The following ZBTB44 variants were observed in gnomAD, a reference collection of about 807,000 sequenced individuals.
ZBTB44 encodes zinc finger and BTB domain-containing protein 44.
Under a neutral mutation model 54.0 loss-of-function variants are expected in ZBTB44, and 15 were observed. The observed-to-expected ratio is 0.28, with a 90% CI of 0.19 to 0.43. ZBTB44 has a LOEUF of 0.43. ZBTB44 is among the 20% of genes least tolerant of loss of function. The pLI is 1.00. For synonymous variants in ZBTB44, 230 were observed against 250.1 expected (o/e 0.92, Z 0.76); for missense variants, 487 against 707.1 (o/e 0.69, Z 3.53).
At chr11:130,305,420 T>A (rs1421510117) in intron 1 of ZBTB44, among the ~76,000 whole-genome samples, 1 of 152,154 alleles carries the variant, frequency 6.6e-6, no homozygotes, top group East Asian at 1.9e-4. Flanking sequence ...TGTAGACCGA[T>A]GGAACAGAAT....
At chr11:130,305,151 TA>T (rs140360793) in intron 1 of ZBTB44, among the ~76,000 whole-genome samples, 5,006 of 152,230 alleles carry the variant, frequency 0.033, 256 homozygotes, top group African/African-American at 0.11. Context: ...CATGGATGGG[TA>T]GAATCAATAT....
intron 1 of ZBTB44, among the ~76,000 whole-genome samples, chr11:130,262,578 G>A (rs1020395319): frequency 6.6e-6 from 1 of 152,184 alleles, no homozygotes; most frequent in Non-Finnish European, 1.5e-5. Context: ...ATCTCTATCA[G>A]TAGGCGTATT....
chr11:130,240,401 T>TC (rs1954312135), intron 2 of ZBTB44, among the ~76,000 whole-genome samples: 1 of 152,246 alleles, frequency 6.6e-6, no homozygotes, highest in African/African-American at 2.4e-5. Context: ...ATAATAGTCT[T>TC]ATATTACTAT....
At chr11:130,304,385 G>A (rs895375935) in intron 1 of ZBTB44, among the ~76,000 whole-genome samples, 3 of 152,214 alleles carry the variant, frequency 2.0e-5, no homozygotes, top group African/African-American at 7.2e-5. Context: ...ATATTTATAA[G>A]AGTATTAAAA....
intron 2 of ZBTB44, among the ~76,000 whole-genome samples, chr11:130,249,214 C>T (rs1451198603): frequency 1.3e-5 from 2 of 152,132 alleles, no homozygotes; most frequent in Non-Finnish European, 2.9e-5. Context: ...GATATTTAGA[C>T]AGATTAATAT....
intron 1 of ZBTB44, among the ~76,000 whole-genome samples, chr11:130,273,349 C>T (rs1185222692): frequency 2.1e-5 from 3 of 140,112 alleles, no homozygotes; most frequent in South Asian, 2.2e-4. Context: ...CACTCTGCTG[C>T]CCCAGGCTGG....
intron 1 of ZBTB44, among the ~76,000 whole-genome samples, chr11:130,306,249 T>C (rs928765023): frequency 6.6e-6 from 1 of 152,104 alleles, no homozygotes; most frequent in African/African-American, 2.4e-5. Flanking sequence ...ACACTTGTAA[T>C]CCCAGCACTT....
At chr11:130,256,473 C>T (rs1159148463) in intron 2 of ZBTB44, among the ~76,000 whole-genome samples, 3 of 152,130 alleles carry the variant, frequency 2.0e-5, no homozygotes, top group South Asian at 4.2e-4. Flanking sequence ...GTCAAGAGAT[C>T]GAGACCATCC....
chr11:130,300,974 T>C (rs972668079), intron 1 of ZBTB44, among the ~76,000 whole-genome samples: 2 of 151,426 alleles, frequency 1.3e-5, no homozygotes, highest in Admixed American at 1.3e-4. Context: ...TTTTTTCCCT[T>C]GTTACTCTCT....
intron 1 of ZBTB44, among the ~76,000 whole-genome samples, chr11:130,309,060 G>A (rs1391527368): frequency 6.6e-6 from 1 of 152,164 alleles, no homozygotes; most frequent in Non-Finnish European, 1.5e-5. Flanking sequence ...AAAAATGCAA[G>A]TTAGCTCACT....
intron 5 of ZBTB44, among the ~76,000 whole-genome samples, chr11:130,234,478 T>A (rs894304832): frequency 2.0e-5 from 3 of 152,176 alleles, no homozygotes; most frequent in Non-Finnish European, 4.4e-5. Flanking sequence ...AATGTATCAA[T>A]CTTCCCCACC....
At chr11:130,301,841 G>A (rs1942004073) in intron 1 of ZBTB44, among the ~76,000 whole-genome samples, 1 of 152,064 alleles carries the variant, frequency 6.6e-6, no homozygotes, top group Admixed American at 6.6e-5. Flanking sequence ...TTGAGCCCAG[G>A]AGTTTGAGAC....
chr11:130,245,304 T>C (rs1019034967), intron 2 of ZBTB44, among the ~76,000 whole-genome samples: 1 of 152,192 alleles, frequency 6.6e-6, no homozygotes, highest in African/African-American at 2.4e-5. Flanking sequence ...TTAATCCAGA[T>C]GTAGGACAGA....
At chr11:130,281,081 C>T (rs762208559) in intron 1 of ZBTB44, among the ~76,000 whole-genome samples, 11 of 152,074 alleles carry the variant, frequency 7.2e-5, no homozygotes, top group Admixed American at 2.0e-4. Flanking sequence ...AGCTATAAAA[C>T]GTTAAAATGA....
chr11:130,242,349 C>T (rs1250376471), intron 2 of ZBTB44, among the ~76,000 whole-genome samples: 2 of 152,172 alleles, frequency 1.3e-5, no homozygotes, highest in East Asian at 3.9e-4. Context: ...TGATATTTTA[C>T]TTCTTTGTTC....
At chr11:130,250,760 C>T (rs1303880227) in intron 2 of ZBTB44, among the ~76,000 whole-genome samples, 1 of 152,156 alleles carries the variant, frequency 6.6e-6, no homozygotes, top group Non-Finnish European at 1.5e-5. Context: ...AACCTCCACA[C>T]AGACGCCCCA....
intron 1 of ZBTB44, among the ~76,000 whole-genome samples, chr11:130,273,846 A>G (rs572930714): frequency 1.3e-5 from 2 of 152,088 alleles, no homozygotes; most frequent in African/African-American, 2.4e-5. Flanking sequence ...AGGCAGGTGG[A>G]TCACTTGAGG....
At chr11:130,242,767 G>C (rs1370804346) in intron 2 of ZBTB44, among the ~76,000 whole-genome samples, 1 of 152,060 alleles carries the variant, frequency 6.6e-6, no homozygotes, top group African/African-American at 2.4e-5. Context: ...ATCTAGGTCT[G>C]TGTTTCTTTT....
At chr11:130,303,678 C>T (rs1216494830) in intron 1 of ZBTB44, among the ~76,000 whole-genome samples, 1 of 151,894 alleles carries the variant, frequency 6.6e-6, no homozygotes, top group African/African-American at 2.4e-5. Flanking sequence ...AAAAACACCC[C>T]CCAAAAAATA....
Sources: gnomAD v4.1 joint callset for allele counts (sites outside exome capture counted in the v4.1 genomes callset) on GRCh38, gnomAD v4.1.1 for gene constraint, MANE v1.5 for transcripts, NCBI Gene and HGNC (gene_info 2026-07-23, HGNC 2026-07-21) for gene names.